The following CLYBL variants were observed in gnomAD, a reference collection of about 807,000 sequenced individuals.
CLYBL encodes citramalyl-CoA lyase, mitochondrial.
A neutral mutation model predicts 38.9 loss-of-function variants in CLYBL; 31 were observed. The ratio of observed to expected loss-of-function variants is 0.80; its 90% CI spans 0.60 to 1.08. CLYBL has a LOEUF of 1.08. Among genes scored for constraint, CLYBL ranks in the 50% least tolerant of loss-of-function variants. CLYBL has a pLI of 0.00. For missense variants in CLYBL, 434 were observed against 411.6 expected (o/e 1.05, Z -0.47); for synonymous variants, 171 against 158.6 (o/e 1.08, Z -0.59).
intron 1 of CLYBL, among the ~76,000 whole-genome samples, chr13:99,692,448 C>G (rs7988332): frequency 0.027 from 4,166 of 152,128 alleles, 191 homozygotes; most frequent in African/African-American, 0.096. Flanking sequence ...CCCGCCATCA[C>G]GCCCGGTTAA....
intron 2 of CLYBL, among the ~76,000 whole-genome samples, chr13:99,792,278 C>A (rs541913716): frequency 3.6e-4 from 55 of 152,290 alleles, no homozygotes; most frequent in African/African-American, 1.2e-3. Flanking sequence ...GGACACTGAG[C>A]AAGACCCACA....
exon 10 of CLYBL, among the ~76,000 whole-genome samples, chr13:99,908,495 T>C (rs1228609216): frequency 6.6e-6 from 1 of 152,246 alleles, no homozygotes; most frequent in African/African-American, 2.4e-5. Flanking sequence ...CTGATCATTC[T>C]TCCATCAGCT....
chr13:99,644,210 A>ATG (rs2047141817), intron 1 of CLYBL, among the ~76,000 whole-genome samples: 1 of 139,796 alleles, frequency 7.2e-6, no homozygotes, highest in Admixed American at 7.4e-5. Context: ...GTGTATGTGT[A>ATG]TATGTGGTGT....
At chr13:99,640,448 T>A (rs1394944884) in intron 1 of CLYBL, among the ~76,000 whole-genome samples, 1 of 152,256 alleles carries the variant, frequency 6.6e-6, no homozygotes, top group Non-Finnish European at 1.5e-5. Flanking sequence ...TTTTAAATAG[T>A]TTGCCTTATT....
chr13:99,677,777 T>C (rs1204494868), intron 1 of CLYBL, among the ~76,000 whole-genome samples: 2 of 152,252 alleles, frequency 1.3e-5, no homozygotes, highest in African/African-American at 4.8e-5. Flanking sequence ...CAAAATTTAA[T>C]GGCTACTGTT....
chr13:99,652,167 A>G (rs760573021), intron 1 of CLYBL, among the ~76,000 whole-genome samples: 3 of 152,182 alleles, frequency 2.0e-5, no homozygotes, highest in Non-Finnish European at 2.9e-5. Flanking sequence ...GGAGTGTCCA[A>G]CTGGGCTAAT....
chr13:99,846,092 G>T (rs541911435), intron 2 of CLYBL, among the ~76,000 whole-genome samples: 2 of 152,022 alleles, frequency 1.3e-5, no homozygotes, highest in African/African-American at 4.8e-5. Flanking sequence ...AACTCTGTTT[G>T]TGCCTGTGAA....
At chr13:99,765,071 G>A (rs912694608) in intron 1 of CLYBL, among the ~76,000 whole-genome samples, 5 of 150,034 alleles carry the variant, frequency 3.3e-5, no homozygotes, top group African/African-American at 9.8e-5. Context: ...TTGCACTTTA[G>A]TGTTTTTTTC....
chr13:99,756,156 G>A (rs1208823661), intron 1 of CLYBL, among the ~76,000 whole-genome samples: 1 of 152,152 alleles, frequency 6.6e-6, no homozygotes, highest in African/African-American at 2.4e-5. Flanking sequence ...TGGATTCAGT[G>A]GGTGGGGATG....
chr13:99,664,958 CT>C (rs1380263339), intron 1 of CLYBL, among the ~76,000 whole-genome samples: 5 of 151,822 alleles, frequency 3.3e-5, no homozygotes, highest in Non-Finnish European at 7.4e-5. Flanking sequence ...TAACATCTTC[CT>C]TTTAATTTTT....
chr13:99,700,197 A>G (rs1463511140), intron 1 of CLYBL, among the ~76,000 whole-genome samples: 4 of 152,072 alleles, frequency 2.6e-5, no homozygotes, highest in Admixed American at 2.6e-4. Context: ...TCACACCTGT[A>G]ATCTCAGCAC....
intron 7 of CLYBL, among the ~76,000 whole-genome samples, chr13:99,874,268 AACTG>A (rs1216659167): frequency 9.2e-5 from 14 of 152,174 alleles, no homozygotes; most frequent in Non-Finnish European, 4.4e-5. Flanking sequence ...ATATTAATCA[AACTG>A]ACTTTCTTCC....
intron 1 of CLYBL, among the ~76,000 whole-genome samples, chr13:99,630,672 C>T (rs549930593): frequency 6.6e-6 from 1 of 152,164 alleles, no homozygotes; most frequent in Non-Finnish European, 1.5e-5. Context: ...TCCAGCTGAG[C>T]CCTCTTGTTC....
intron 2 of CLYBL, among the ~76,000 whole-genome samples, chr13:99,827,539 G>A (rs2050719452): frequency 6.6e-6 from 1 of 152,136 alleles, no homozygotes; most frequent in African/African-American, 2.4e-5. Context: ...CCCCTTAGGA[G>A]CCTGTCAGCC....
intron 1 of CLYBL, among the ~76,000 whole-genome samples, chr13:99,735,365 T>A (rs1162397035): frequency 6.6e-6 from 1 of 152,146 alleles, no homozygotes; most frequent in Non-Finnish European, 1.5e-5. Flanking sequence ...AGCTAATTTT[T>A]AAATTTTTTT....
chr13:99,668,368 T>G (rs1382786598), intron 1 of CLYBL, among the ~76,000 whole-genome samples: 1 of 152,078 alleles, frequency 6.6e-6, no homozygotes, highest in African/African-American at 2.4e-5. Context: ...GTGGATCACC[T>G]GAGGCCAGGA....
chr13:99,895,596 C>T (rs975263872), downstream of CLYBL: 3 of 152,234 alleles, frequency 2.0e-5, no homozygotes, highest in Non-Finnish European at 4.4e-5. Context: ...CAGTGACTTT[C>T]CCAGACCCCG....
chr13:99,738,146 T>C (rs2048696454), intron 1 of CLYBL, among the ~76,000 whole-genome samples: 1 of 152,248 alleles, frequency 6.6e-6, no homozygotes, highest in East Asian at 1.9e-4. Context: ...GATTGAAATA[T>C]CTGCCTTTAT....
intron 2 of CLYBL, among the ~76,000 whole-genome samples, chr13:99,791,245 A>G (rs948136427): frequency 1.3e-4 from 20 of 152,118 alleles, no homozygotes; most frequent in African/African-American, 4.6e-4. Context: ...TCTTTAATCT[A>G]TCCCATGAGG....
Sources: allele counts gnomAD v4.1 joint callset (sites outside exome capture counted in the v4.1 genomes callset), GRCh38; gene constraint gnomAD v4.1.1; transcripts MANE v1.5; gene names NCBI Gene and HGNC (gene_info 2026-07-23, HGNC 2026-07-21).